Variants in ATP11A observed in about 807,000 individuals in gnomAD.
ATP11A encodes the protein ATPase phospholipid transporting 11A.
A neutral mutation model predicts 154.4 loss-of-function variants in ATP11A; 81 were observed. The observed-to-expected ratio is 0.52, with a 90% CI of 0.44 to 0.63. ATP11A has a LOEUF of 0.63. Among genes scored for constraint, ATP11A ranks in the 30% least tolerant of loss-of-function variants. The pLI is 0.00. For missense variants in ATP11A, 1,316 were observed against 1,474.3 expected (o/e 0.89, Z 1.76); for synonymous variants, 623 against 585.9 (o/e 1.06, Z -0.91).
chr13:112,712,454 C>T (rs778251603), intron 1 of ATP11A, among the ~76,000 whole-genome samples: 3 of 152,196 alleles, frequency 2.0e-5, no homozygotes, highest in Non-Finnish European at 4.4e-5. Flanking sequence ...CTCACTGGGC[C>T]CCACAGTGTG....
intron 2 of ATP11A, among the ~76,000 whole-genome samples, chr13:112,798,098 C>T (rs2078046680): frequency 6.6e-6 from 1 of 152,110 alleles, no homozygotes; most frequent in Non-Finnish European, 1.5e-5. Flanking sequence ...ACTCCCTCTG[C>T]CGAGCCCTTT....
intron 2 of ATP11A, among the ~76,000 whole-genome samples, chr13:112,801,646 CA>C (rs2140118129): frequency 6.6e-6 from 1 of 152,340 alleles, no homozygotes; most frequent in East Asian, 1.9e-4. Context: ...CAGCAATGAA[CA>C]GTTGGAATTT....
rs2080943947 is a variant in ATP11A, at chr13:112,884,570, A to G, written c.*2704A>G. 2 of 152,254 alleles carry G rather than the reference A, an allele frequency of 1.3e-5. No individual in the cohort carries two copies. Among genetic ancestry groups the G allele is most frequent in the Non-Finnish European group, 1.5e-5 (1 of 68,052 alleles). The allele number at this position is 152,254 out of a possible 1,614,324, so 9.4% of individuals were successfully genotyped here. A position where few individuals can be genotyped will look rare whatever the true frequency, so the allele number is the denominator to read the frequency against. On this transcript the variant is annotated 3_prime_UTR_variant, in exon 30 of 30. Transcript: ENST00000375645. ...AATGACGTTGCAGGGTCTTCATGCA[A>G]TTTTCCACCTCGCAGTAGTTAGTAT...
At chr13:112,808,649 C>G (rs2078395199) in intron 4 of ATP11A, among the ~76,000 whole-genome samples, 1 of 152,134 alleles carries the variant, frequency 6.6e-6, no homozygotes, top group African/African-American at 2.4e-5. Flanking sequence ...TGGAAAGCCC[C>G]CTGCACTCAC....
chr13:112,831,560 C>T lies in ATP11A; in HGVS notation c.1395+12C>T, dbSNP rs199843853. 3.7e-6 allele frequency: 6 copies of T among 1,612,126 alleles called. No individual in the cohort carries two copies. The highest frequency in any genetic ancestry group is 3.3e-5 in the Admixed American group (2 of 59,946). On this transcript the variant is annotated intron_variant, in intron 13 of 29. Coordinates refer to ENST00000375645, the MANE Select transcript of ATP11A (RefSeq NM_015205.3). ...GCGTCAACGGGAGGGTAGGTGGCAGCCCCCACGCCGTCCAAGTGTGTGAGT... is the reference window on the plus strand; with the variant it reads ...GCGTCAACGGGAGGGTAGGTGGCAGTCCCCACGCCGTCCAAGTGTGTGAGT...
Position 112,785,111 on chromosome 13 carries a change from C to A in ATP11A, c.40-24C>A. ...TTGATGCAGGTTCTGAGGCAGCTGC[C>A]TAACACCGCTCTCCTTTCCGCAGTG... On this transcript the variant is annotated intron_variant, in intron 1 of 29. Transcript: ENST00000375645. The surrounding 1 kb of genome is among the most constrained non-coding windows in gnomAD (Gnocchi z 4.8). The A allele has an allele frequency of 1.4e-6, 2 of 1,442,000 alleles. No individual in the cohort carries two copies. Among genetic ancestry groups the A allele is most frequent in the Non-Finnish European group, 1.8e-6 (2 of 1,091,100 alleles). The allele number at this position is 1,442,000 out of a possible 1,614,324, so 89.3% of individuals were successfully genotyped here. A position where few individuals can be genotyped will look rare whatever the true frequency, so the allele number is the denominator to read the frequency against.
Position 112,883,072 on chromosome 13 carries a change from C to T in ATP11A, c.*1206C>T, listed in dbSNP as rs1466214330. ...CCCACATCCCCTTGCCCCGTCACCT[C>T]GTCCTCATGTCCCCTTGTCCTGTCA... On this transcript the variant is annotated 3_prime_UTR_variant, in exon 30 of 30. Coordinates refer to ENST00000375645, the MANE Select transcript of ATP11A (RefSeq NM_015205.3). 2 of 381,872 alleles carry T rather than the reference C, an allele frequency of 5.2e-6. No individual in the cohort carries two copies. Among genetic ancestry groups the T allele is most frequent in the Non-Finnish European group, 9.3e-6 (2 of 215,684 alleles). 23.7% of individuals were successfully genotyped at this position (381,872 alleles called of 1,614,324 possible).
At chr13:112,722,690 C>T (rs1889333956) in intron 1 of ATP11A, among the ~76,000 whole-genome samples, 1 of 152,178 alleles carries the variant, frequency 6.6e-6, no homozygotes. Context: ...TTTTGGTTTA[C>T]ATACGTAAAA....
intron 1 of ATP11A, among the ~76,000 whole-genome samples, chr13:112,710,193 C>A (rs575831706): frequency 2.6e-5 from 4 of 152,190 alleles, no homozygotes; most frequent in African/African-American, 9.6e-5. Flanking sequence ...TCTTTGCAGA[C>A]GTGTGTGTGG....
chr13:112,871,085 C>G (rs2080504860), intron 25 of ATP11A, among the ~76,000 whole-genome samples: 1 of 152,236 alleles, frequency 6.6e-6, no homozygotes, highest in African/African-American at 2.4e-5. Flanking sequence ...CTTGTCTTCT[C>G]TGTCCTGAGG....
chr13:112,704,521 T>G (rs897225680), intron 1 of ATP11A, among the ~76,000 whole-genome samples: 1 of 152,266 alleles, frequency 6.6e-6, no homozygotes, highest in African/African-American at 2.4e-5. Context: ...AGGCTCTGAC[T>G]GCGGCGTGCG....
At chr13:112,849,997 G>A (rs2079717805) in intron 17 of ATP11A, among the ~76,000 whole-genome samples, 1 of 152,188 alleles carries the variant, frequency 6.6e-6, no homozygotes, top group African/African-American at 2.4e-5. Flanking sequence ...CATAGACCCT[G>A]TCTTGTGTTC....
At position 112,885,279 on chromosome 13, in the gene ATP11A, C is replaced by A. The variant is rs1402373782; in HGVS notation, c.*3413C>A. 6.6e-6 allele frequency: 1 copy of A among 152,166 alleles called. No individual in the cohort carries two copies. The highest frequency in any genetic ancestry group is 2.4e-5 in the African/African-American group (1 of 41,356). 9.4% of individuals were successfully genotyped at this position (152,166 alleles called of 1,614,324 possible). A position where few individuals can be genotyped will look rare whatever the true frequency, so the allele number is the denominator to read the frequency against. ...GTAAGCACACATGTACAAGCTCCTA[C>A]AGGCTTGCTCTCACACACGTGTATG... On this transcript the variant is annotated 3_prime_UTR_variant, in exon 30 of 30. Coordinates refer to ENST00000375645, the MANE Select transcript of ATP11A (RefSeq NM_015205.3).
chr13:112,851,771 C>T (rs1177631698), intron 18 of ATP11A: 12 of 152,386 alleles, frequency 7.9e-5, no homozygotes, highest in Admixed American at 2.6e-4. Context: ...AATCCTCCCA[C>T]CTCAGCCTCT....
At chr13:112,863,277 C>T (rs1366619508) in intron 25 of ATP11A, among the ~76,000 whole-genome samples, 1 of 143,138 alleles carries the variant, frequency 7.0e-6, no homozygotes, top group Non-Finnish European at 1.5e-5. Flanking sequence ...ATGCAGCTTC[C>T]CAGCGGGGTC....
At chr13:112,712,417 A>G (rs1028478623) in intron 1 of ATP11A, among the ~76,000 whole-genome samples, 4 of 152,110 alleles carry the variant, frequency 2.6e-5, no homozygotes, top group African/African-American at 7.2e-5. Flanking sequence ...GGATGTCTTC[A>G]TTGTGCCACA....
At chr13:112,714,323 G>T (rs1293148984) in intron 1 of ATP11A, among the ~76,000 whole-genome samples, 1 of 151,976 alleles carries the variant, frequency 6.6e-6, no homozygotes, top group African/African-American at 2.4e-5. Context: ...CCTGGTCTGG[G>T]GTGTTCCGCT....
intron 7 of ATP11A, 114 bp from the exon 8 acceptor site, chr13:112,819,786 C>A: frequency 9.1e-7 from 1 of 1,100,198 alleles, no homozygotes; most frequent in Non-Finnish European, 1.4e-6. Flanking sequence ...TTTAGCCGCA[C>A]ACGGAGCGGG....
chr13:112,755,167 A>G (rs918728164), intron 1 of ATP11A, among the ~76,000 whole-genome samples: 3 of 152,124 alleles, frequency 2.0e-5, no homozygotes, highest in African/African-American at 4.8e-5. Flanking sequence ...ATTTTTTTCA[A>G]CCATTTAAGG....
Sources: allele counts gnomAD v4.1 joint callset (sites outside exome capture counted in the v4.1 genomes callset), GRCh38; gene constraint gnomAD v4.1.1; non-coding constraint Gnocchi (gnomAD v3.1); transcripts MANE v1.5; gene names NCBI Gene and HGNC (gene_info 2026-07-23, HGNC 2026-07-21).